RTL4: variants seen among roughly 807,000 people sequenced by gnomAD.
RTL4 encodes retrotransposon Gag like 4, also known as retrotransposon Gag-like protein 4.
A neutral mutation model predicts 5.3 loss-of-function variants in RTL4; 4 were observed. That is an observed-to-expected ratio of 0.75 (90% CI 0.37 to 1.72). RTL4 has a LOEUF of 1.72. RTL4 is among the 40% of genes most tolerant of loss of function. The pLI is 0.04. For synonymous variants in RTL4, 98 were observed against 87.3 expected (o/e 1.12, Z -0.68); for missense variants, 260 against 227.1 (o/e 1.14, Z -0.93).
the RTL4 span, among the ~76,000 whole-genome samples, chrX:112,229,611 T>C: frequency 8.9e-6 from 1 of 112,231 alleles, no homozygotes; most frequent in Non-Finnish European, 1.9e-5. Flanking sequence ...AAAATTGTTT[T>C]GGGCCACACA....
chrX:112,112,279 C>T, the RTL4 span, among the ~76,000 whole-genome samples: 1 of 111,900 alleles, frequency 8.9e-6, no homozygotes, highest in Non-Finnish European at 1.9e-5. Context: ...AAGGCTGGAG[C>T]TTGTACTAGT....
chrX:112,325,112 A>C, the RTL4 span, among the ~76,000 whole-genome samples: 16 of 111,651 alleles, frequency 1.4e-4, no homozygotes, highest in African/African-American at 5.2e-4. Context: ...GGACCTCTTC[A>C]AGGAGAACTA....
the RTL4 span, among the ~76,000 whole-genome samples, chrX:112,226,277 T>C: frequency 8.9e-6 from 1 of 112,287 alleles, no homozygotes; most frequent in Admixed American, 9.5e-5. Context: ...CCTCCAGCTC[T>C]GTCTATGAAA....
chrX:112,393,354 A>G, the RTL4 span, among the ~76,000 whole-genome samples: 1 of 109,507 alleles, frequency 9.1e-6, no homozygotes, highest in Non-Finnish European at 1.9e-5. Flanking sequence ...GTGCTGGGGT[A>G]CCGCTTCTGC....
At chrX:112,176,838 C>T in the RTL4 span, among the ~76,000 whole-genome samples, 1 of 110,656 alleles carries the variant, frequency 9.0e-6, no homozygotes, top group African/African-American at 3.3e-5. Flanking sequence ...CCCCACTTCC[C>T]TTTTCAGCCT....
the RTL4 span, among the ~76,000 whole-genome samples, chrX:112,138,309 T>G: frequency 8.9e-6 from 1 of 112,410 alleles, no homozygotes; most frequent in African/African-American, 3.2e-5. Context: ...GCTGGGTAAT[T>G]CCTAGATATC....
chrX:112,201,320 C>T, the RTL4 span, among the ~76,000 whole-genome samples: 1 of 111,273 alleles, frequency 9.0e-6, no homozygotes, highest in South Asian at 3.9e-4. Flanking sequence ...TGGGTGGGGA[C>T]ACAAAGCCTA....
chrX:112,138,049 T>C, the RTL4 span, among the ~76,000 whole-genome samples: 1 of 112,462 alleles, frequency 8.9e-6, no homozygotes, highest in Non-Finnish European at 1.9e-5. Flanking sequence ...TACAATGGAA[T>C]ACTATTCAGC....
the RTL4 span, among the ~76,000 whole-genome samples, chrX:112,090,756 C>T: frequency 9.1e-6 from 1 of 109,924 alleles, no homozygotes; most frequent in Non-Finnish European, 1.9e-5. Flanking sequence ...GTAATGGTGG[C>T]CTTGTAGGAG....
the RTL4 span, among the ~76,000 whole-genome samples, chrX:112,180,995 G>A: frequency 9.0e-6 from 1 of 111,702 alleles, no homozygotes; most frequent in Non-Finnish European, 1.9e-5. Flanking sequence ...CATCTCATTG[G>A]GACTGGTTAG....
the RTL4 span, among the ~76,000 whole-genome samples, chrX:112,140,669 G>A: frequency 1.8e-5 from 2 of 111,122 alleles, no homozygotes; most frequent in African/African-American, 6.6e-5. Context: ...CTGTCCTCAT[G>A]AACTAACCAA....
chrX:112,426,173 T>C, the RTL4 span, among the ~76,000 whole-genome samples: 5 of 111,831 alleles, frequency 4.5e-5, no homozygotes, highest in East Asian at 1.4e-3. Flanking sequence ...CTAGCACCAT[T>C]TGTTGAAAAG....
the RTL4 span, among the ~76,000 whole-genome samples, chrX:112,124,288 A>T: frequency 8.9e-6 from 1 of 111,931 alleles, no homozygotes; most frequent in African/African-American, 3.3e-5. Context: ...TAGAACCAGA[A>T]ATACCATTTA....
chrX:112,188,737 C>CAA, the RTL4 span, among the ~76,000 whole-genome samples: 1 of 109,574 alleles, frequency 9.1e-6, no homozygotes, highest in Non-Finnish European at 1.9e-5. Context: ...CACTCACCCT[C>CAA]AAAAAAAACT....
At chrX:112,251,302 CTCTT>C in the RTL4 span, among the ~76,000 whole-genome samples, 1 of 111,931 alleles carries the variant, frequency 8.9e-6, no homozygotes, top group Non-Finnish European at 1.9e-5. Flanking sequence ...AAACATCAAA[CTCTT>C]TCTGTCTTTT....
At chrX:112,333,065 T>C in the RTL4 span, among the ~76,000 whole-genome samples, 1 of 110,046 alleles carries the variant, frequency 9.1e-6, no homozygotes, top group South Asian at 3.8e-4. Context: ...TTACCTGTCT[T>C]CTGGTTACTC....
chrX:112,328,873 T>G, the RTL4 span, among the ~76,000 whole-genome samples: 1 of 111,815 alleles, frequency 8.9e-6, no homozygotes, highest in African/African-American at 3.2e-5. Flanking sequence ...ACTGCTCAAC[T>G]ACATGGAAAC....
chrX:112,302,435 C>T, the RTL4 span, among the ~76,000 whole-genome samples: 4 of 111,286 alleles, frequency 3.6e-5, no homozygotes, highest in South Asian at 3.7e-4. Flanking sequence ...TTTTAAATTA[C>T]AGATTTAGGC....
the RTL4 span, among the ~76,000 whole-genome samples, chrX:112,436,171 C>A: frequency 1.8e-5 from 2 of 109,742 alleles, no homozygotes; most frequent in African/African-American, 6.6e-5. Context: ...GAGCCGAGAT[C>A]GTGCCACTGC....
Sources: gnomAD v4.1 joint callset for allele counts (sites outside exome capture counted in the v4.1 genomes callset) on GRCh38, gnomAD v4.1.1 for gene constraint, MANE v1.5 for transcripts, NCBI Gene and HGNC (gene_info 2026-07-23, HGNC 2026-07-21) for gene names.